CACNA1C: variants seen among roughly 807,000 people sequenced by gnomAD.
CACNA1C encodes voltage-dependent L-type calcium channel subunit alpha-1C.
Under a neutral mutation model 229.0 loss-of-function variants are expected in CACNA1C, and 30 were observed. That is an observed-to-expected ratio of 0.13 (90% CI 0.10 to 0.18). CACNA1C has a LOEUF of 0.18. Ranked by LOEUF, CACNA1C falls within the 10% of genes least tolerant of loss-of-function variation. The probability of loss-of-function intolerance (pLI) is 1.00; values close to 1 mark genes in which losing one functional copy is unlikely to be tolerated. For missense variants in CACNA1C, 1,658 were observed against 2,845.0 expected (o/e 0.58, Z 9.49); for synonymous variants, 1,114 against 1,132.5 (o/e 0.98, Z 0.33).
chr12:2,439,602 C>A (rs918793901), intron 3 of CACNA1C, among the ~76,000 whole-genome samples: 2 of 152,040 alleles, frequency 1.3e-5, no homozygotes, highest in African/African-American at 4.8e-5. Flanking sequence ...CAGGCCCACA[C>A]CCATGTGCTG....
chr12:2,078,193 C>T lies in CACNA1C; in HGVS notation c.49+24582C>T, dbSNP rs144233460. Among the ~76,000 whole-genome samples the T allele has an allele frequency of 3.4e-3, 519 of 152,274 alleles. 4 individuals carry two copies. The highest frequency in any genetic ancestry group is 7.4e-3 in the Admixed American group (113 of 15,286). On this transcript the variant is annotated intron_variant, in intron 1 of 46. Transcript: ENST00000399655. ...GCTTGCTCTCACTTTCTCCCTGCCACGTGAGGACACAGAGAGAAGGTGGCC... is the reference window on the plus strand; with the variant it reads ...GCTTGCTCTCACTTTCTCCCTGCCATGTGAGGACACAGAGAGAAGGTGGCC...
intron 29 of CACNA1C, among the ~76,000 whole-genome samples, chr12:2,625,265 A>G (rs2085701920): frequency 1.3e-5 from 2 of 152,248 alleles, no homozygotes; most frequent in Non-Finnish European, 2.9e-5. Context: ...TAGCTATTAC[A>G]TTTAATTATT....
chr12:2,489,265 T>G (rs1316279322), intron 6 of CACNA1C, among the ~76,000 whole-genome samples: 1 of 152,250 alleles, frequency 6.6e-6, no homozygotes, highest in East Asian at 1.9e-4. Context: ...TTTCACAGAC[T>G]GTGAATTTTA....
In CACNA1C at chr12:2,691,026, C is replaced by G; in HGVS notation, c.6244C>G (p.Leu2082Val). The G allele has an allele frequency of 1.2e-6, 2 of 1,602,384 alleles. No homozygotes were observed. Among genetic ancestry groups the G allele is most frequent in the Non-Finnish European group, 8.5e-7 (1 of 1,174,708 alleles). The change falls in exon 47 of 47, where the codon CTC becomes GTC. Residue 2082 changes from leucine (L) to valine (V), a missense_variant. Leu to Val is a conservative substitution (Grantham distance 32). This residue lies in a region of CACNA1C where 590 missense variants were observed against 700.8 expected (regional missense o/e 0.84). Coordinates refer to ENST00000399655, the MANE Select transcript of CACNA1C (RefSeq NM_000719.7). The stretch of plus-strand genomic sequence containing the variant: ...GATGGAGAGCGCGGCCGACAACATC[C>G]TCAGCGGGGGCGCCCCACAGAGCCC... ...EEMESAADNI[L>V]SGGAPQSPNG...
At chr12:2,241,282 A>G (rs2070049596) in intron 3 of CACNA1C, among the ~76,000 whole-genome samples, 1 of 152,094 alleles carries the variant, frequency 6.6e-6, no homozygotes, top group African/African-American at 2.4e-5. Context: ...CTCTGAGGCA[A>G]ATCATATTGT....
chr12:2,252,708 A>T (rs1196858310), intron 3 of CACNA1C, among the ~76,000 whole-genome samples: 1 of 151,952 alleles, frequency 6.6e-6, no homozygotes, highest in East Asian at 1.9e-4. Flanking sequence ...TTGTGCGGGG[A>T]CAGCTGTATG....
chr12:2,109,608 T>C, intron 1 of CACNA1C, among the ~76,000 whole-genome samples: 1 of 152,082 alleles, frequency 6.6e-6, no homozygotes, highest in East Asian at 1.9e-4. Context: ...GAGTTTGGAT[T>C]TTGAAGGGAT....
intron 3 of CACNA1C, among the ~76,000 whole-genome samples, chr12:2,223,958 A>ATAT (rs2062161238): frequency 6.6e-6 from 1 of 152,228 alleles, no homozygotes; most frequent in Non-Finnish European, 1.5e-5. Flanking sequence ...GCATCTCATA[A>ATAT]AAGGTGCACA....
intron 3 of CACNA1C, among the ~76,000 whole-genome samples, chr12:2,331,927 G>A (rs2096561288): frequency 1.3e-5 from 2 of 152,302 alleles, no homozygotes; most frequent in South Asian, 4.1e-4. Context: ...TGACAATTAA[G>A]TGTAATGCAT....
intron 5 of CACNA1C, among the ~76,000 whole-genome samples, chr12:2,466,783 G>GT (rs2099553925): frequency 6.6e-6 from 1 of 151,996 alleles, no homozygotes; most frequent in Admixed American, 6.6e-5. Flanking sequence ...GGGCTTGAAG[G>GT]GCCTGGACTG....
Position 2,457,696 on chromosome 12 carries a change from C to G in CACNA1C, c.747C>G (p.Ser249=). ...FRVLRPLRLV[S]GVPSLQVVLN... ...TGCTGCGCCCCCTGCGGCTGGTGTC[C>G]GGAGTCCCAAGTAAGTGAAGCCCGT... The change falls in exon 5 of 47, where the codon TCC becomes TCG. Residue 249 remains serine (S), a synonymous_variant. Coordinates refer to ENST00000399655, the MANE Select transcript of CACNA1C (RefSeq NM_000719.7). 1 of 1,591,862 alleles carries G rather than the reference C, an allele frequency of 6.3e-7. No homozygotes were observed. Among genetic ancestry groups the G allele is most frequent in the Non-Finnish European group, 8.5e-7 (1 of 1,170,182 alleles).
chr12:2,130,299 T>A (rs898218266), intron 3 of CACNA1C, among the ~76,000 whole-genome samples: 1 of 151,848 alleles, frequency 6.6e-6, no homozygotes, highest in Non-Finnish European at 1.5e-5. Flanking sequence ...TCTCTTTTTT[T>A]TTTCTTTTCT....
At chr12:2,386,052 A>G (rs952095406) in intron 3 of CACNA1C, among the ~76,000 whole-genome samples, 2 of 152,244 alleles carry the variant, frequency 1.3e-5, no homozygotes, top group Admixed American at 6.5e-5. Flanking sequence ...TGATGCCTTT[A>G]CTACCTTTCG....
At position 2,651,383 on chromosome 12, in the gene CACNA1C, G is replaced by A; in HGVS notation, c.3946-257G>A. Reference sequence around the variant, plus strand: ...GGGCATTAAGAACTAGGAATGAAGGGGAATCGGGGAGAATAAAAACACAGG... The same window carrying A: ...GGGCATTAAGAACTAGGAATGAAGGAGAATCGGGGAGAATAAAAACACAGG... On this transcript the variant is annotated intron_variant, in intron 31 of 46. Transcript: ENST00000399655. This position sits in a 1 kb window ranked among gnomAD's most constrained non-coding sequence, Gnocchi z 5.4. The A allele has an allele frequency of 1.8e-6, 1 of 564,000 alleles. No homozygotes were observed. The highest frequency in any genetic ancestry group is 3.1e-6 in the Non-Finnish European group (1 of 317,934). 34.9% of individuals were successfully genotyped at this position (564,000 alleles called of 1,614,324 possible).
chr12:2,129,393 C>G (rs2091485763), intron 3 of CACNA1C, among the ~76,000 whole-genome samples: 1 of 152,218 alleles, frequency 6.6e-6, no homozygotes, highest in East Asian at 1.9e-4. Flanking sequence ...AAAGCATTGT[C>G]TGCTCTGCGT....
intron 2 of CACNA1C, 68 bp downstream of exon 2, chr12:2,115,613 C>G: frequency 6.7e-7 from 1 of 1,485,156 alleles, no homozygotes; most frequent in Admixed American, 1.7e-5. Context: ...CTCCGAGGCT[C>G]CCTGGGCCAC....
chr12:2,486,070 A>G lies in CACNA1C; in HGVS notation c.758-34A>G, dbSNP rs199893167. On this transcript the variant is annotated intron_variant, in intron 5 of 46. Coordinates refer to ENST00000399655, the MANE Select transcript of CACNA1C (RefSeq NM_000719.7). This position sits in a 1 kb window ranked among gnomAD's most constrained non-coding sequence, Gnocchi z 4.9. ...ATGGCGTCAGCACGGTACCGCGGTG[A>G]TGCTTGGTTCAGTGAGTGGCTCTGT... The G allele has an allele frequency of 1.3e-6, 2 of 1,559,574 alleles. No individual in the cohort carries two copies. The highest frequency in any genetic ancestry group is 1.2e-5 in the South Asian group (1 of 80,756).
chr12:2,039,862 G>C (rs1319324039), intron 1 of CACNA1C, among the ~76,000 whole-genome samples: 1 of 137,666 alleles, frequency 7.3e-6, no homozygotes, highest in East Asian at 2.0e-4. Context: ...CAGTTCTTGG[G>C]TTCCTGTGGG....
At chr12:2,117,254 G>A (rs1306854024) in intron 2 of CACNA1C, among the ~76,000 whole-genome samples, 1 of 150,850 alleles carries the variant, frequency 6.6e-6, no homozygotes, top group Admixed American at 6.6e-5. Flanking sequence ...CTGAGGAAAA[G>A]AGTGAAACTC....
Sources: allele counts gnomAD v4.1 joint callset (sites outside exome capture counted in the v4.1 genomes callset), GRCh38; gene constraint gnomAD v4.1.1; regional missense constraint gnomAD v4.1.1; non-coding constraint Gnocchi (gnomAD v3.1); transcripts MANE v1.5; gene names NCBI Gene and HGNC (gene_info 2026-07-23, HGNC 2026-07-21).